Variants in ERC2 observed in about 807,000 individuals in gnomAD.
ERC2 encodes the protein ERC protein 2.
ERC2 carries 42 observed loss-of-function variants against 114.8 expected under a neutral mutation model. The observed-to-expected ratio is 0.37, with a 90% CI of 0.29 to 0.47. The LOEUF (loss-of-function observed/expected upper bound fraction) is 0.47. Among genes scored for constraint, ERC2 ranks in the 20% least tolerant of loss-of-function variants. The probability of loss-of-function intolerance (pLI) is 0.99; values close to 1 mark genes in which losing one functional copy is unlikely to be tolerated. For synonymous variants in ERC2, 454 were observed against 425.5 expected (o/e 1.07, Z -0.82); for missense variants, 939 against 1,150.7 (o/e 0.82, Z 2.66).
intron 4 of ERC2, among the ~76,000 whole-genome samples, chr3:56,161,788 G>A (rs1281452646): frequency 1.3e-5 from 2 of 151,990 alleles, no homozygotes; most frequent in African/African-American, 4.8e-5. Context: ...AAGTCTTTTG[G>A]CAGTCGTTAG....
At chr3:55,904,197 A>AT (rs1228691787) in intron 13 of ERC2, among the ~76,000 whole-genome samples, 4 of 152,174 alleles carry the variant, frequency 2.6e-5, no homozygotes, top group Non-Finnish European at 5.9e-5. Context: ...GTGGCACAAC[A>AT]TTTTTGCCCT....
At chr3:55,612,282 G>A (rs1421345922) in intron 17 of ERC2, among the ~76,000 whole-genome samples, 1 of 152,216 alleles carries the variant, frequency 6.6e-6, no homozygotes, top group Non-Finnish European at 1.5e-5. Flanking sequence ...TTACACCATA[G>A]ACAAGTACTG....
chr3:56,081,634 A>C (rs1215427596), intron 6 of ERC2, among the ~76,000 whole-genome samples: 1 of 152,190 alleles, frequency 6.6e-6, no homozygotes, highest in African/African-American at 2.4e-5. Context: ...AATTTAAAAA[A>C]AATATAATTC....
intron 17 of ERC2, among the ~76,000 whole-genome samples, chr3:55,656,811 C>A (rs1334987091): frequency 1.6e-5 from 1 of 64,292 alleles, no homozygotes; most frequent in East Asian, 9.8e-4. Flanking sequence ...CAAGCACAGT[C>A]CCCTTCCCAT....
At chr3:56,463,657 A>G (rs2107584827) in intron 1 of ERC2, among the ~76,000 whole-genome samples, 1 of 152,314 alleles carries the variant, frequency 6.6e-6, no homozygotes, top group Admixed American at 6.5e-5. Context: ...TATAAATACT[A>G]GTGTTATAAT....
chr3:56,329,882 A>G (rs963214871), intron 2 of ERC2, among the ~76,000 whole-genome samples: 2 of 151,304 alleles, frequency 1.3e-5, no homozygotes, highest in Admixed American at 1.3e-4. Context: ...TCCACTATAT[A>G]TATTTCCACT....
At chr3:55,630,185 T>C (rs1471814972) in intron 17 of ERC2, among the ~76,000 whole-genome samples, 2 of 152,238 alleles carry the variant, frequency 1.3e-5, no homozygotes, top group Non-Finnish European at 2.9e-5. Context: ...TTCTGTTTTT[T>C]TGAGACGGAG....
At chr3:55,808,701 TTATATATA>T (rs377604698) in intron 14 of ERC2, among the ~76,000 whole-genome samples, 3,750 of 61,670 alleles carry the variant, frequency 0.061, 122 homozygotes, top group East Asian at 0.1. Context: ...TACCATAATT[TTATATATA>T]TATATATATA....
chr3:56,129,051 A>G (rs543322508), intron 6 of ERC2, among the ~76,000 whole-genome samples: 1 of 152,236 alleles, frequency 6.6e-6, no homozygotes, highest in East Asian at 1.9e-4. Context: ...CAATAATGCC[A>G]AACTCCTAAA....
intron 6 of ERC2, among the ~76,000 whole-genome samples, chr3:56,119,998 T>C (rs1470655454): frequency 1.3e-5 from 2 of 152,226 alleles, no homozygotes; most frequent in African/African-American, 2.4e-5. Context: ...AGTTGAGTAA[T>C]TGCCTTCAAA....
intron 2 of ERC2, among the ~76,000 whole-genome samples, chr3:56,305,454 A>C (rs1311045271): frequency 6.6e-6 from 1 of 151,592 alleles, no homozygotes; most frequent in East Asian, 1.9e-4. Context: ...TAATCAGAAA[A>C]CCACATGAGC....
chr3:56,322,322 C>A (rs1469731566), intron 2 of ERC2, among the ~76,000 whole-genome samples: 1 of 152,224 alleles, frequency 6.6e-6, no homozygotes, highest in Non-Finnish European at 1.5e-5. Context: ...AATTTCCTCC[C>A]ATCCTATCCA....
Position 56,292,538 on chromosome 3 carries a change from C to T in ERC2, c.1074+3481G>A, listed in dbSNP as rs531797560. 1.1e-4 allele frequency among the ~76,000 whole-genome samples: 16 copies of T among 151,994 alleles called. No individual in the cohort carries two copies. The South Asian group carries it at 3.3e-3, about 32-fold the overall frequency. On this transcript the variant is annotated intron_variant, in intron 3 of 17. Transcript: ENST00000288221. ...CTGGGAGGTAGAGGTTGCAGTAAGC[C>T]GAGACTGTGCCACTGTACTCCAACC...
chr3:55,640,127 G>A (rs1018614791), intron 17 of ERC2, among the ~76,000 whole-genome samples: 3 of 152,186 alleles, frequency 2.0e-5, no homozygotes, highest in Admixed American at 2.0e-4. Context: ...AGAGAAGTCT[G>A]TGGCTGTGTT....
intron 12 of ERC2, among the ~76,000 whole-genome samples, chr3:55,963,797 AC>A (rs947645633): frequency 3.3e-5 from 5 of 152,074 alleles, no homozygotes; most frequent in African/African-American, 1.2e-4. Flanking sequence ...GTGAAAATTG[AC>A]CCCCTGGGGG....
At chr3:56,032,794 G>A (rs2074447176) in intron 7 of ERC2, among the ~76,000 whole-genome samples, 1 of 149,744 alleles carries the variant, frequency 6.7e-6, no homozygotes, top group South Asian at 2.1e-4. Flanking sequence ...TTGAGCCCAG[G>A]AATTCAACTC....
chr3:55,777,838 C>T (rs1169946119), intron 14 of ERC2, among the ~76,000 whole-genome samples: 2 of 152,074 alleles, frequency 1.3e-5, no homozygotes, highest in African/African-American at 2.4e-5. Context: ...GAATACTGTG[C>T]CCATTTAGTG....
At chr3:55,642,533 T>G (rs1439842482) in intron 17 of ERC2, among the ~76,000 whole-genome samples, 1 of 151,864 alleles carries the variant, frequency 6.6e-6, no homozygotes, top group Non-Finnish European at 1.5e-5. Flanking sequence ...TGGGGTTTCG[T>G]CATGTTGGCC....
chr3:55,775,438 G>A (rs2068519273), intron 14 of ERC2, among the ~76,000 whole-genome samples: 1 of 151,854 alleles, frequency 6.6e-6, no homozygotes, highest in Admixed American at 6.6e-5. Flanking sequence ...GGATGAGGTG[G>A]GAAGATCACT....
Sources: allele counts gnomAD v4.1 joint callset (sites outside exome capture counted in the v4.1 genomes callset), GRCh38; gene constraint gnomAD v4.1.1; transcripts MANE v1.5; gene names NCBI Gene and HGNC (gene_info 2026-07-23, HGNC 2026-07-21).